NECTIN4: variants seen among roughly 807,000 people sequenced by gnomAD.
NECTIN4 encodes the protein nectin-4.
A neutral mutation model predicts 51.7 loss-of-function variants in NECTIN4; 19 were observed. The ratio of observed to expected loss-of-function variants is 0.37; its 90% CI spans 0.26 to 0.54. NECTIN4 has a LOEUF of 0.54. Ranked by LOEUF, NECTIN4 falls within the 20% of genes least tolerant of loss-of-function variation. NECTIN4 has a pLI of 0.86. For missense variants in NECTIN4, 619 were observed against 662.4 expected, an observed-to-expected ratio of 0.93 and a Z score of 0.72; for synonymous variants, 283 against 286.9, an observed-to-expected ratio of 0.99 and a Z score of 0.14.
At position 161,079,597 on chromosome 1, in the gene NECTIN4, T is replaced by TCGGAGC; in HGVS notation, c.426_431dup (p.Leu143_Arg144dup). ...CCAGAGATCCCCGCTTACCCAGCACTCGGAGCCGCAGCCGCGCCTGGAAGC... is the reference window on the plus strand; with the variant it reads ...CCAGAGATCCCCGCTTACCCAGCACTCGGAGCCGGAGCCGCAGCCGCGCCTGGAAGC... On this transcript the variant is annotated inframe_insertion, in exon 2 of 9. Coordinates refer to ENST00000368012, the MANE Select transcript of NECTIN4 (RefSeq NM_030916.3). 1.2e-6 allele frequency: 2 copies of TCGGAGC among 1,603,466 alleles called. No individual in the cohort carries two copies. Among genetic ancestry groups the TCGGAGC allele is most frequent in the Non-Finnish European group, 1.7e-6 (2 of 1,179,434 alleles).
chr1:161,078,905 G>C (rs1383995914), intron 2 of NECTIN4, among the ~76,000 whole-genome samples: 1 of 152,004 alleles, frequency 6.6e-6, no homozygotes. Flanking sequence ...CCAGCTACTC[G>C]GGAGGCTGAG....
intron 1 of NECTIN4, among the ~76,000 whole-genome samples, chr1:161,084,063 GAGA>G (rs1342923714): frequency 2.0e-5 from 3 of 152,244 alleles, no homozygotes; most frequent in Non-Finnish European, 4.4e-5. Flanking sequence ...GTGGGTCTGT[GAGA>G]AGGAGGAAGG....
At chr1:161,082,467 C>CA (rs1338288978) in intron 1 of NECTIN4, among the ~76,000 whole-genome samples, 6 of 151,752 alleles carry the variant, frequency 4.0e-5, no homozygotes, top group Admixed American at 2.0e-4. Context: ...CCAGACTGGA[C>CA]AGAGGAAAAA....
chr1:161,083,629 G>A (rs1261178940), intron 1 of NECTIN4, among the ~76,000 whole-genome samples: 4 of 152,192 alleles, frequency 2.6e-5, no homozygotes. Flanking sequence ...CGCTGGTCAG[G>A]AGCCTTGGTG....
intron 1 of NECTIN4, among the ~76,000 whole-genome samples, chr1:161,081,654 C>G (rs947355574): frequency 6.6e-6 from 1 of 152,150 alleles, no homozygotes; most frequent in African/African-American, 2.4e-5. Flanking sequence ...TTGTCCCTGC[C>G]TCTGCCCAGC....
At chr1:161,086,200 A>G (rs1653937233) in intron 1 of NECTIN4, among the ~76,000 whole-genome samples, 1 of 152,154 alleles carries the variant, frequency 6.6e-6, no homozygotes, top group East Asian at 1.9e-4. Context: ...GAGGACCCCC[A>G]GATCCTGAGG....
chr1:161,083,693 G>A (rs546200680), intron 1 of NECTIN4, among the ~76,000 whole-genome samples: 7 of 152,336 alleles, frequency 4.6e-5, no homozygotes, highest in Non-Finnish European at 7.3e-5. Context: ...ACCACCTTGC[G>A]CAAGGGAGAG....
At chr1:161,084,842 G>C (rs929197910) in intron 1 of NECTIN4, 1 of 151,934 alleles carries the variant, frequency 6.6e-6, no homozygotes, top group Admixed American at 6.6e-5. Context: ...GGTTTGGGGG[G>C]GTGAGGGGAA....
chr1:161,089,469 C>A lies in NECTIN4; in HGVS notation c.-173G>T. ...GCCCCAGCCCCGGCCCCGTTCTACA[C>A]ACCCAGCCGTAGCTACCCCCAAGAA... On this transcript the variant is annotated 5_prime_UTR_variant, in exon 1 of 9. Coordinates refer to ENST00000368012, the MANE Select transcript of NECTIN4 (RefSeq NM_030916.3). This position sits in a 1 kb window ranked among gnomAD's most constrained non-coding sequence, Gnocchi z 4.1. 1 of 652,326 alleles carries A rather than the reference C, an allele frequency of 1.5e-6. No homozygotes were observed. Among genetic ancestry groups the A allele is most frequent in the South Asian group, 1.7e-5 (1 of 59,000 alleles). 40.4% of individuals were successfully genotyped at this position (652,326 alleles called of 1,614,324 possible).
intron 1 of NECTIN4, among the ~76,000 whole-genome samples, chr1:161,086,413 C>G (rs906445084): frequency 6.6e-6 from 1 of 152,210 alleles, no homozygotes; most frequent in East Asian, 1.9e-4. Context: ...GCCTGCCCCC[C>G]TCTGTAAACA....
At chr1:161,084,071 G>C (rs1653817068) in intron 1 of NECTIN4, among the ~76,000 whole-genome samples, 1 of 152,230 alleles carries the variant, frequency 6.6e-6, no homozygotes, top group Non-Finnish European at 1.5e-5. Context: ...GTGAGAAGGA[G>C]GAAGGGAGTA....
chr1:161,071,216 T>G lies in NECTIN4; in HGVS notation c.*1445A>C, dbSNP rs1653130054. 6.6e-6 allele frequency: 1 copy of G among 152,130 alleles called. No homozygotes were observed. The highest frequency in any genetic ancestry group is 1.5e-5 in the Non-Finnish European group (1 of 68,014). 9.4% of individuals were successfully genotyped at this position (152,130 alleles called of 1,614,324 possible). A position where few individuals can be genotyped will look rare whatever the true frequency, so the allele number is the denominator to read the frequency against. On this transcript the variant is annotated 3_prime_UTR_variant, in exon 9 of 9. Transcript: ENST00000368012. Reference sequence around the variant, plus strand: ...GGGTACTAAATCTAGGTATTCTGGCTGAGTGTATCTGGGTGGGCCAGCTAA... The same window carrying G: ...GGGTACTAAATCTAGGTATTCTGGCGGAGTGTATCTGGGTGGGCCAGCTAA...
intron 1 of NECTIN4, among the ~76,000 whole-genome samples, chr1:161,081,378 G>A (rs999337583): frequency 1.3e-5 from 2 of 151,940 alleles, no homozygotes; most frequent in Non-Finnish European, 2.9e-5. Flanking sequence ...GTTCTGGGGG[G>A]AGATTTGACA....
chr1:161,072,073 G>A lies in NECTIN4; in HGVS notation c.*588C>T. 1 of 180,348 alleles carries A rather than the reference G, an allele frequency of 5.5e-6. No individual in the cohort carries two copies. The highest frequency in any genetic ancestry group is 5.4e-5 in the Admixed American group (1 of 18,384). The allele number at this position is 180,348 out of a possible 1,614,324, so 11.2% of individuals were successfully genotyped here. A position where few individuals can be genotyped will look rare whatever the true frequency, so the allele number is the denominator to read the frequency against. ...CCCAGGGACTGGCTGCTTCACACTT[G>A]CCCCCATGGCTCCGAAGTGGTAGGA... On this transcript the variant is annotated 3_prime_UTR_variant, in exon 9 of 9. Coordinates refer to ENST00000368012, the MANE Select transcript of NECTIN4 (RefSeq NM_030916.3).
chr1:161,074,266 G>GCAC lies in NECTIN4; in HGVS notation c.1105_1107dup (p.Val369dup), dbSNP rs747374529. ...TTGCGCCGATGGTATCGGGACATGAGCACCACCACCACCACCAGAAGGCAG... is the reference window on the plus strand; with the variant it reads ...TTGCGCCGATGGTATCGGGACATGAGCACCACCACCACCACCACCAGAAGGCAG... On this transcript the variant is annotated inframe_insertion, in exon 6 of 9. Transcript: ENST00000368012. 2.5e-6 allele frequency: 4 copies of GCAC among 1,613,950 alleles called. No individual in the cohort carries two copies. The highest frequency in any genetic ancestry group is 1.3e-5 in the African/African-American group (1 of 74,930).
intron 1 of NECTIN4, among the ~76,000 whole-genome samples, chr1:161,086,378 G>A (rs908818572): frequency 6.6e-6 from 1 of 152,160 alleles, no homozygotes; most frequent in East Asian, 1.9e-4. Context: ...GCTTCCCTGG[G>A]TTTGGGTAGG....
rs779158699 is a variant in NECTIN4, at chr1:161,089,174, T to C, written c.79+44A>G. The C allele has an allele frequency of 6.3e-7, 1 of 1,576,606 alleles. No homozygotes were observed. ...TTTGTGCATGTGTGTCAGTGCCAGG[T>C]TGGGCTCAGAAGCAAGTGTCCTGAT... is the stretch of plus-strand genomic sequence containing the variant. On this transcript the variant is annotated intron_variant, in intron 1 of 8. Transcript: ENST00000368012. This position sits in a 1 kb window ranked among gnomAD's most constrained non-coding sequence, Gnocchi z 4.1.
chr1:161,079,857 A>G lies in NECTIN4; in HGVS notation c.172T>C (p.Ser58Pro), dbSNP rs1653598367. Residue 58 changes from serine to proline, a missense_variant, in exon 2 of 9, where the codon TCC (serine) becomes CCC (proline). Ser to Pro is a moderately conservative substitution (Grantham distance 74). Around this residue, in one of 3 missense-constraint regions of NECTIN4, gnomAD observed 218 missense variants for 186.3 expected, o/e 1.17. Transcript: ENST00000368012. Reference sequence around the variant, plus strand: ...GCCACTTGCCCCACTTGCTCGCCGGAGTCCCCTCGGTAGAAGCAGGGCAGT... The same window carrying G: ...GCCACTTGCCCCACTTGCTCGCCGGGGTCCCCTCGGTAGAAGCAGGGCAGT... ...AKLPCFYRGD[S>P]GEQVGQVAWA... 1 of 1,613,784 alleles carries G rather than the reference A, an allele frequency of 6.2e-7. No individual in the cohort carries two copies. Among genetic ancestry groups the G allele is most frequent in the Non-Finnish European group, 8.5e-7 (1 of 1,180,008 alleles).
In NECTIN4 at chr1:161,074,715, G is replaced by A. The variant is rs1653334000; in HGVS notation, c.896C>T (p.Thr299Ile). 2 of 1,614,058 alleles carry A rather than the reference G, an allele frequency of 1.2e-6. No individual in the cohort carries two copies. The highest frequency in any genetic ancestry group is 1.7e-6 in the Non-Finnish European group (2 of 1,180,054). Residue 299 changes from threonine (T) to isoleucine (I), a missense_variant, in exon 5 of 9, where the codon ACT (threonine) becomes ATT (isoleucine). Physicochemically the swap from Thr to Ile is moderately conservative, Grantham distance 89. Coordinates refer to ENST00000368012, the MANE Select transcript of NECTIN4 (RefSeq NM_030916.3). ...LPSGVRVDGD[T>I]LGFPPLTTEH... ...AGTGGTCAGTGGGGGAAAGCCCAAA[G>A]TGTCCCCATCCACTCGTACCCCACT... is the stretch of plus-strand genomic sequence containing the variant.
Sources: allele counts gnomAD v4.1 joint callset (sites outside exome capture counted in the v4.1 genomes callset), GRCh38; gene constraint gnomAD v4.1.1; regional missense constraint gnomAD v4.1.1; non-coding constraint Gnocchi (gnomAD v3.1); transcripts MANE v1.5; gene names NCBI Gene and HGNC (gene_info 2026-07-23, HGNC 2026-07-21).